TC2N: variants seen among roughly 807,000 people sequenced by gnomAD.
TC2N encodes tandem C2 domains nuclear protein.
In TC2N, 51 loss-of-function variants were observed where a neutral mutation model predicts 61.9. That is an observed-to-expected ratio of 0.82 (90% CI 0.66 to 1.04). The LOEUF (loss-of-function observed/expected upper bound fraction) is 1.04. Among genes scored for constraint, TC2N ranks in the 50% least tolerant of loss-of-function variants. The probability of loss-of-function intolerance (pLI) is 0.00; values close to 1 mark genes in which losing one functional copy is unlikely to be tolerated. For synonymous variants in TC2N, 204 were observed against 192.6 expected, an observed-to-expected ratio of 1.06 and a Z score of -0.49; for missense variants, 556 against 566.7, an observed-to-expected ratio of 0.98 and a Z score of 0.19.
intron 9 of TC2N, among the ~76,000 whole-genome samples, chr14:91,791,863 T>A (rs1352608581): frequency 6.6e-6 from 1 of 152,202 alleles, no homozygotes; most frequent in East Asian, 1.9e-4. Context: ...ACGCCTGTAA[T>A]CCCAGCACTT....
At chr14:91,791,523 T>G (rs1314022567) in intron 9 of TC2N, among the ~76,000 whole-genome samples, 5 of 149,896 alleles carry the variant, frequency 3.3e-5, no homozygotes, top group Non-Finnish European at 1.5e-5. Flanking sequence ...TTAAAAACAG[T>G]GTTCAGTTGG....
At chr14:91,832,245 C>G (rs1337303934) in intron 1 of TC2N, among the ~76,000 whole-genome samples, 1 of 151,986 alleles carries the variant, frequency 6.6e-6, no homozygotes, top group Non-Finnish European at 1.5e-5. Context: ...AAAAAATTAG[C>G]CAGGCATGGC....
chr14:91,783,028 T>C lies in TC2N; in HGVS notation c.*72A>G, dbSNP rs563529982. On this transcript the variant is annotated 3_prime_UTR_variant, in exon 12 of 12. Coordinates refer to ENST00000435962, the MANE Select transcript of TC2N (RefSeq NM_001128596.3). ...AAATTTGTTGATTTGCCTCTTCTCA[T>C]TGGTAGCAAATTGAAATCATAAGTC... 1.0e-5 allele frequency: 10 copies of C among 973,850 alleles called. No individual in the cohort carries two copies. Among genetic ancestry groups the C allele is most frequent in the African/African-American group, 8.1e-5 (5 of 61,978 alleles). 60.3% of individuals were successfully genotyped at this position (973,850 alleles called of 1,614,324 possible).
intron 1 of TC2N, among the ~76,000 whole-genome samples, chr14:91,833,467 C>T (rs929670287): frequency 7.2e-5 from 11 of 151,994 alleles, no homozygotes; most frequent in African/African-American, 2.4e-4. Flanking sequence ...CAGTAAATTT[C>T]ACATATTTAA....
At chr14:91,839,661 T>C (rs1645656074) in intron 1 of TC2N, among the ~76,000 whole-genome samples, 2 of 152,356 alleles carry the variant, frequency 1.3e-5, no homozygotes, top group Admixed American at 1.3e-4. Context: ...TACAAATAAA[T>C]GGTCATGAAT....
At position 91,837,829 on chromosome 14, in the gene TC2N, T is replaced by C. The variant is rs1354152147; in HGVS notation, c.-56-24004A>G. Among the ~76,000 whole-genome samples the C allele has an allele frequency of 2.6e-5, 4 of 152,366 alleles. No homozygotes were observed. In the East Asian group the frequency reaches 7.7e-4, roughly 29 times the overall value. ...GAACTCTTTTCTTGAGAAAGGCCTG[T>C]TTCCAATCTTGGGCATTAGTGTTTC... On this transcript the variant is annotated intron_variant, in intron 1 of 11. Coordinates refer to ENST00000435962, the MANE Select transcript of TC2N (RefSeq NM_001128596.3). The surrounding 1 kb of genome is among the most constrained non-coding windows in gnomAD (Gnocchi z 4.2).
intron 1 of TC2N, among the ~76,000 whole-genome samples, chr14:91,833,529 T>C (rs1437982206): frequency 3.9e-5 from 6 of 152,132 alleles, no homozygotes; most frequent in Non-Finnish European, 7.4e-5. Flanking sequence ...TACACACACA[T>C]TGGTAGAAGC....
At chr14:91,820,120 A>G (rs1887177164) in intron 1 of TC2N, among the ~76,000 whole-genome samples, 1 of 152,134 alleles carries the variant, frequency 6.6e-6, no homozygotes, top group Admixed American at 6.5e-5. Context: ...GACTGGATAA[A>G]GAAGTATGAT....
At chr14:91,825,876 A>AT (rs1181469016) in intron 1 of TC2N, among the ~76,000 whole-genome samples, 5 of 152,184 alleles carry the variant, frequency 3.3e-5, no homozygotes, top group Non-Finnish European at 7.4e-5. Flanking sequence ...TTGTAGCTGA[A>AT]TTCCACTGTG....
intron 1 of TC2N, among the ~76,000 whole-genome samples, chr14:91,839,743 A>G (rs974929603): frequency 6.6e-6 from 1 of 152,256 alleles, no homozygotes; most frequent in South Asian, 2.1e-4. Flanking sequence ...CTTAGAACAT[A>G]ACAGCAGAAG....
chr14:91,832,200 C>G (rs111830626), intron 1 of TC2N, among the ~76,000 whole-genome samples: 9 of 151,998 alleles, frequency 5.9e-5, no homozygotes, highest in Non-Finnish European at 1.3e-4. Context: ...ACCAGCCTGG[C>G]CAACATGGTA....
At chr14:91,846,928 C>T (rs1888280267) in intron 1 of TC2N, among the ~76,000 whole-genome samples, 1 of 152,010 alleles carries the variant, frequency 6.6e-6, no homozygotes, top group Non-Finnish European at 1.5e-5. Flanking sequence ...GCTTTCAGCC[C>T]CAAATAAATA....
In TC2N at chr14:91,812,343, T is replaced by C. The variant is rs994208513; in HGVS notation, c.270A>G (p.Gln90=). 8.1e-6 allele frequency: 13 copies of C among 1,606,998 alleles called. No homozygotes were observed. The highest frequency in any genetic ancestry group is 1.1e-5 in the Non-Finnish European group (13 of 1,175,504). Residue 90 remains glutamine, a synonymous_variant, in exon 3 of 12, where the codon CAA becomes CAG. Coordinates refer to ENST00000435962, the MANE Select transcript of TC2N (RefSeq NM_001128596.3). ...FKLSYIQPRT[Q]ETPSHLEELE... ...GTTCTTCCAGATGTGAAGGAGTTTC[T>C]TGTGTCCTGGGTTGAATGTAAGATA...
intron 1 of TC2N, among the ~76,000 whole-genome samples, chr14:91,851,191 G>A (rs1345106492): frequency 6.6e-6 from 1 of 152,160 alleles, no homozygotes; most frequent in African/African-American, 2.4e-5. Context: ...CCACGAAACT[G>A]GTCCTGCTGC....
At chr14:91,813,288 C>T (rs1886861137) in intron 2 of TC2N, among the ~76,000 whole-genome samples, 1 of 151,758 alleles carries the variant, frequency 6.6e-6, no homozygotes, top group African/African-American at 2.4e-5. Flanking sequence ...TAATGTTATA[C>T]ACATATTGTA....
rs774367960 is a variant in TC2N, at chr14:91,849,691, A to T, written c.-57+17571T>A. 3.3e-5 allele frequency among the ~76,000 whole-genome samples: 5 copies of T among 152,272 alleles called. No individual in the cohort carries two copies. In the East Asian group the frequency reaches 9.6e-4, roughly 29 times the overall value. On this transcript the variant is annotated intron_variant, in intron 1 of 11. Transcript: ENST00000435962. ...TCTTTAGCATTTTTATTCGACTATG[A>T]TTTGCATAAATGTTTATTTTCTTTA...
In TC2N at chr14:91,781,523, A is replaced by C. The variant is rs1040147821; in HGVS notation, c.*1577T>G. ...GAAAGGAAATCTCTATCTTCCTCTC[A>C]ATTTTTCTGTTAACCTACAACTGCT... On this transcript the variant is annotated 3_prime_UTR_variant, in exon 12 of 12. Transcript: ENST00000435962. The C allele has an allele frequency of 1.3e-5, 2 of 152,066 alleles. No homozygotes were observed. The highest frequency in any genetic ancestry group is 4.8e-5 in the African/African-American group (2 of 41,440). The allele number at this position is 152,066 out of a possible 1,614,324, so 9.4% of individuals were successfully genotyped here. A position where few individuals can be genotyped will look rare whatever the true frequency, so the allele number is the denominator to read the frequency against.
intron 1 of TC2N, among the ~76,000 whole-genome samples, chr14:91,860,319 A>C (rs990189077): frequency 1.8e-4 from 26 of 146,462 alleles, no homozygotes; most frequent in Non-Finnish European, 3.6e-4. Flanking sequence ...AAGGGGGGAA[A>C]TCATTTCCTT....
chr14:91,800,086 A>G (rs1886144208), intron 5 of TC2N, among the ~76,000 whole-genome samples, 195 bp downstream of exon 5: 1 of 152,100 alleles, frequency 6.6e-6, no homozygotes. Context: ...AAGAAAAACT[A>G]CTGCCTTTTA....
Sources: gnomAD v4.1 joint callset for allele counts (sites outside exome capture counted in the v4.1 genomes callset) on GRCh38, gnomAD v4.1.1 for gene constraint, Gnocchi (gnomAD v3.1) non-coding constraint, MANE v1.5 for transcripts, NCBI Gene and HGNC (gene_info 2026-07-23, HGNC 2026-07-21) for gene names.